TXLNB: variants seen among roughly 807,000 people sequenced by gnomAD.
TXLNB encodes beta-taxilin.
A neutral mutation model predicts 57.4 loss-of-function variants in TXLNB; 37 were observed. That is an observed-to-expected ratio of 0.64 (90% CI 0.50 to 0.85). TXLNB has a LOEUF of 0.85. Among genes scored for constraint, TXLNB ranks in the 40% least tolerant of loss-of-function variants. The pLI, the probability that TXLNB is intolerant of heterozygous loss-of-function variation, is 0.00. For synonymous variants in TXLNB, 302 were observed against 309.6 expected (o/e 0.98, Z 0.26); for missense variants, 848 against 825.6 (o/e 1.03, Z -0.33).
chr6:139,319,853 A>G, the TXLNB span, among the ~76,000 whole-genome samples: 2 of 152,224 alleles, frequency 1.3e-5, no homozygotes, highest in Non-Finnish European at 2.9e-5. Flanking sequence ...ATGACTATTT[A>G]TAGTATTTAA....
chr6:139,310,427 T>C, the TXLNB span, among the ~76,000 whole-genome samples: 1 of 152,326 alleles, frequency 6.6e-6, no homozygotes, highest in Admixed American at 6.5e-5. Flanking sequence ...CTCACTAAAG[T>C]GATACCTTCC....
the TXLNB span, among the ~76,000 whole-genome samples, chr6:139,223,214 T>C: frequency 3.3e-5 from 5 of 152,192 alleles, no homozygotes; most frequent in African/African-American, 9.7e-5. Context: ...TTTAAACATA[T>C]GTGAAAGACG....
intron 6 of TXLNB, among the ~76,000 whole-genome samples, chr6:139,258,882 G>A (rs192117424): frequency 4.1e-4 from 62 of 152,262 alleles, no homozygotes; most frequent in African/African-American, 1.4e-3. Flanking sequence ...AACAAGTTGC[G>A]TATCTTCTTG....
the TXLNB span, among the ~76,000 whole-genome samples, chr6:139,194,297 G>A: frequency 6.6e-6 from 1 of 152,170 alleles, no homozygotes; most frequent in African/African-American, 2.4e-5. Context: ...CAAAGTCAAT[G>A]AGACAGGAGT....
At chr6:139,320,359 A>G in the TXLNB span, among the ~76,000 whole-genome samples, 1 of 152,214 alleles carries the variant, frequency 6.6e-6, no homozygotes, top group African/African-American at 2.4e-5. Context: ...TGGAAACCAC[A>G]AGGAATATTT....
chr6:139,219,175 T>C, the TXLNB span, among the ~76,000 whole-genome samples: 3 of 152,260 alleles, frequency 2.0e-5, no homozygotes, highest in Non-Finnish European at 2.9e-5. Context: ...TGGTTTCATT[T>C]GTTCAGAGAA....
chr6:139,163,947 A>G, the TXLNB span, among the ~76,000 whole-genome samples: 1 of 152,102 alleles, frequency 6.6e-6, no homozygotes, highest in Non-Finnish European at 1.5e-5. Flanking sequence ...AGTGGTACAC[A>G]GGCACTTCTA....
chr6:139,247,934 C>T, intron 7 of TXLNB, 25 bp from the exon 8 acceptor site: 6 of 1,385,542 alleles, frequency 4.3e-6, no homozygotes, highest in Non-Finnish European at 6.0e-6. Flanking sequence ...AAGAGTGGAT[C>T]TTTCAGAATA....
At chr6:139,246,238 C>A (rs1776063353) in intron 8 of TXLNB, among the ~76,000 whole-genome samples, 1 of 152,082 alleles carries the variant, frequency 6.6e-6, no homozygotes, top group Non-Finnish European at 1.5e-5. Context: ...TTATTCCAAT[C>A]TTAAAATGCT....
chr6:139,273,125 C>T (rs1776808449), intron 3 of TXLNB, among the ~76,000 whole-genome samples: 1 of 152,214 alleles, frequency 6.6e-6, no homozygotes, highest in African/African-American at 2.4e-5. Flanking sequence ...GAAGATTAAA[C>T]CATATGTCAG....
the TXLNB span, among the ~76,000 whole-genome samples, chr6:139,225,333 A>G: frequency 6.6e-6 from 1 of 152,200 alleles, no homozygotes; most frequent in Non-Finnish European, 1.5e-5. Context: ...CAAGTACAAT[A>G]ATGCAAGAAA....
chr6:139,239,097 T>C (rs148270112), downstream of TXLNB: 1 of 152,356 alleles, frequency 6.6e-6, no homozygotes, highest in Non-Finnish European at 1.5e-5. This position sits in a 1 kb window ranked among gnomAD's most constrained non-coding sequence, Gnocchi z 4.7. Context: ...TTTTCTCCCT[T>C]CTTAGCTCAC....
the TXLNB span, among the ~76,000 whole-genome samples, chr6:139,167,809 A>T: frequency 2.0e-5 from 3 of 152,150 alleles, no homozygotes; most frequent in East Asian, 5.8e-4. Context: ...GGTAAACAGG[A>T]TTATTGAAAG....
the TXLNB span, among the ~76,000 whole-genome samples, chr6:139,227,022 G>GTTTC: frequency 6.7e-6 from 1 of 149,740 alleles, no homozygotes; most frequent in African/African-American, 2.5e-5. Context: ...GCAAGACTCT[G>GTTTC]TTTCAAAACA....
At chr6:139,210,861 C>A in the TXLNB span, among the ~76,000 whole-genome samples, 3 of 152,282 alleles carry the variant, frequency 2.0e-5, no homozygotes, top group Non-Finnish European at 4.4e-5. Context: ...GAGGGTCCTA[C>A]GCCCACGGAG....
chr6:139,285,644 G>A (rs769467245), intron 2 of TXLNB, among the ~76,000 whole-genome samples: 1 of 144,758 alleles, frequency 6.9e-6, no homozygotes, highest in Non-Finnish European at 1.5e-5. Context: ...TATTATTTAG[G>A]CCTTCTTGAA....
the TXLNB span, among the ~76,000 whole-genome samples, chr6:139,181,597 C>T: frequency 6.6e-6 from 1 of 152,140 alleles, no homozygotes; most frequent in South Asian, 2.1e-4. Context: ...TACACTTGTT[C>T]TATATTATTA....
At chr6:139,255,065 G>A (rs1053079274) in intron 7 of TXLNB, among the ~76,000 whole-genome samples, 38 of 152,234 alleles carry the variant, frequency 2.5e-4, no homozygotes, top group African/African-American at 5.5e-4. Context: ...CAGGCGATCC[G>A]CCCGCCTGGG....
At chr6:139,166,427 A>G in the TXLNB span, 1 of 1,614,162 alleles carries the variant, frequency 6.2e-7, no homozygotes, top group Non-Finnish European at 8.5e-7. Context: ...CGAGTGGGAG[A>G]GCAGCATCCT....
Sources: gnomAD v4.1 joint callset for allele counts (sites outside exome capture counted in the v4.1 genomes callset) on GRCh38, gnomAD v4.1.1 for gene constraint, Gnocchi (gnomAD v3.1) non-coding constraint, MANE v1.5 for transcripts, NCBI Gene and HGNC (gene_info 2026-07-23, HGNC 2026-07-21) for gene names.